The following RASA1 variants were observed in gnomAD, a reference collection of about 807,000 sequenced individuals.
RASA1 encodes the protein ras GTPase-activating protein 1.
A neutral mutation model predicts 132.2 loss-of-function variants in RASA1; 25 were observed. The ratio of observed to expected loss-of-function variants is 0.19; its 90% CI spans 0.14 to 0.26. The LOEUF (loss-of-function observed/expected upper bound fraction) is 0.26. Ranked by LOEUF, RASA1 falls within the 10% of genes least tolerant of loss-of-function variation. RASA1 has a pLI of 1.00. For missense variants in RASA1, 964 were observed against 1,299.2 expected (o/e 0.74, Z 3.97); for synonymous variants, 477 against 449.9 (o/e 1.06, Z -0.76).
chr5:87,379,695 T>C (rs200947598), intron 18 of RASA1, 40 bp from the exon 19 acceptor site: 10 of 1,604,330 alleles, frequency 6.2e-6, no homozygotes, highest in Non-Finnish European at 8.5e-6. Context: ...GCATTTGTCA[T>C]TGCCAACATG....
At chr5:87,306,791 A>C (rs1755633831) in intron 1 of RASA1, among the ~76,000 whole-genome samples, 1 of 151,680 alleles carries the variant, frequency 6.6e-6, no homozygotes, top group Non-Finnish European at 1.5e-5. Flanking sequence ...TTTTCTTCAT[A>C]CTTTGCTTTT....
intron 1 of RASA1, among the ~76,000 whole-genome samples, chr5:87,283,641 T>C (rs1432404992): frequency 6.6e-6 from 1 of 152,116 alleles, no homozygotes; most frequent in Non-Finnish European, 1.5e-5. Flanking sequence ...TAATTATAGC[T>C]AACATTTTCA....
chr5:87,328,064 G>T (rs1452806030), intron 1 of RASA1, among the ~76,000 whole-genome samples: 1 of 151,932 alleles, frequency 6.6e-6, no homozygotes, highest in Non-Finnish European at 1.5e-5. Context: ...TTAACTAGAT[G>T]ACTTATAAAG....
At chr5:87,277,133 C>A (rs1458703857) in intron 1 of RASA1, among the ~76,000 whole-genome samples, 1 of 152,146 alleles carries the variant, frequency 6.6e-6, no homozygotes, top group Non-Finnish European at 1.5e-5. Context: ...GAATGGGCAT[C>A]ATCCTCATTG....
chr5:87,267,957 C>T lies in RASA1; in HGVS notation c.-495C>T. 2.5e-6 allele frequency: 1 copy of T among 393,870 alleles called. No homozygotes were observed. The highest frequency in any genetic ancestry group is 4.4e-6 in the Non-Finnish European group (1 of 225,018). 24.4% of individuals were successfully genotyped at this position (393,870 alleles called of 1,614,324 possible). ...CCCCGCCCCCCTTTCTCTTGCCCCCCCACCCCTCTCATCTGCCTGGTGGAG... is the reference window on the plus strand; with the variant it reads ...CCCCGCCCCCCTTTCTCTTGCCCCCTCACCCCTCTCATCTGCCTGGTGGAG... On this transcript the variant is annotated 5_prime_UTR_variant, in exon 1 of 25. Coordinates refer to ENST00000274376, the MANE Select transcript of RASA1 (RefSeq NM_002890.3).
At chr5:87,287,314 A>G (rs1029445785) in intron 1 of RASA1, among the ~76,000 whole-genome samples, 5 of 148,494 alleles carry the variant, frequency 3.4e-5, no homozygotes, top group African/African-American at 1.2e-4. Context: ...TACACACCAT[A>G]TATATACACC....
intron 18 of RASA1, 66 bp downstream of exon 18, chr5:87,378,604 G>A (rs1447725100): frequency 5.5e-6 from 8 of 1,454,158 alleles, no homozygotes; most frequent in Admixed American, 3.6e-5. Flanking sequence ...ATAATTTGTA[G>A]CCAATTACAT....
At chr5:87,272,995 G>A (rs1580184660) in intron 1 of RASA1, among the ~76,000 whole-genome samples, 1 of 152,144 alleles carries the variant, frequency 6.6e-6, no homozygotes, top group South Asian at 2.1e-4. Context: ...GTTATGGATA[G>A]CATGGTATTA....
chr5:87,306,897 C>T (rs965594487), intron 1 of RASA1, among the ~76,000 whole-genome samples: 2 of 152,078 alleles, frequency 1.3e-5, no homozygotes, highest in African/African-American at 4.8e-5. Context: ...CTCACTCTGT[C>T]ACCCAGACTG....
chr5:87,374,766 AT>A, intron 14 of RASA1, 73 bp from the exon 15 acceptor site: 1 of 1,582,230 alleles, frequency 6.3e-7, no homozygotes, highest in Non-Finnish European at 8.6e-7. Flanking sequence ...GGTTTATTTG[AT>A]ACTAGAACTA....
chr5:87,327,494 C>T (rs528115048), intron 1 of RASA1, among the ~76,000 whole-genome samples: 3 of 152,188 alleles, frequency 2.0e-5, no homozygotes, highest in Admixed American at 6.5e-5. Flanking sequence ...CAGTTTCTGA[C>T]GAGATTTGGT....
chr5:87,376,153 C>T (rs370449445), intron 15 of RASA1: 2 of 549,546 alleles, frequency 3.6e-6, no homozygotes, highest in African/African-American at 3.8e-5. Flanking sequence ...CTAAACTGAC[C>T]TCTATGCAAC....
chr5:87,292,609 C>T (rs1754956969), intron 1 of RASA1, among the ~76,000 whole-genome samples: 1 of 152,058 alleles, frequency 6.6e-6, no homozygotes, highest in African/African-American at 2.4e-5. Flanking sequence ...CCGACTTTTT[C>T]TTTCAATGTT....
chr5:87,370,621 C>G (rs144452665), intron 12 of RASA1, among the ~76,000 whole-genome samples: 5 of 152,258 alleles, frequency 3.3e-5, no homozygotes, highest in Admixed American at 3.3e-4. Context: ...GATCGAGACA[C>G]TGTAAGCCAG....
At chr5:87,389,175 C>CA in intron 23 of RASA1, 1 of 448,154 alleles carries the variant, frequency 2.2e-6, no homozygotes, top group Non-Finnish European at 4.1e-6. Context: ...GTATTTGTAA[C>CA]AAAAAATTAG....
Position 87,383,798 on chromosome 5 carries a change from C to CATTTTG in RASA1, c.2758+20_2758+25dup. On this transcript the variant is annotated intron_variant, in intron 21 of 24. Transcript: ENST00000274376. ...CATCTCAGGTAATCAGCTTTTGATACATTTTGAAATTCAAAATATTAGAAT... is the reference window on the plus strand; with the variant it reads ...CATCTCAGGTAATCAGCTTTTGATACATTTTGATTTTGAAATTCAAAATATTAGAAT... The CATTTTG allele has an allele frequency of 6.3e-7, 1 of 1,574,946 alleles. No homozygotes were observed. Among genetic ancestry groups the CATTTTG allele is most frequent in the Non-Finnish European group, 8.7e-7 (1 of 1,149,666 alleles).
intron 1 of RASA1, among the ~76,000 whole-genome samples, chr5:87,279,965 G>C (rs911061589): frequency 6.6e-6 from 1 of 152,240 alleles, no homozygotes; most frequent in Admixed American, 6.5e-5. Context: ...GAGACCCCCA[G>C]GGAGGCTGCT....
At chr5:87,345,383 A>G (rs1019269445) in intron 6 of RASA1, among the ~76,000 whole-genome samples, 4 of 152,148 alleles carry the variant, frequency 2.6e-5, no homozygotes, top group Admixed American at 2.6e-4. Flanking sequence ...AAACTGTAGA[A>G]GTAGAGGATT....
intron 9 of RASA1, among the ~76,000 whole-genome samples, chr5:87,359,199 A>C (rs1476761480): frequency 6.6e-6 from 1 of 152,156 alleles, no homozygotes; most frequent in Non-Finnish European, 1.5e-5. Flanking sequence ...TTAAGTGACA[A>C]AGCTAGGATC....
Sources: allele counts gnomAD v4.1 joint callset (sites outside exome capture counted in the v4.1 genomes callset), GRCh38; gene constraint gnomAD v4.1.1; transcripts MANE v1.5; gene names NCBI Gene and HGNC (gene_info 2026-07-23, HGNC 2026-07-21).